Variants in NEDD9 observed in about 807,000 individuals in gnomAD.
NEDD9 encodes enhancer of filamentation 1.
NEDD9 carries 26 observed loss-of-function variants against 76.6 expected under a neutral mutation model. The ratio of observed to expected loss-of-function variants is 0.34; its 90% CI spans 0.25 to 0.47. The LOEUF is 0.47. NEDD9 is among the 20% of genes least tolerant of loss of function. NEDD9 has a pLI of 1.00. For synonymous variants in NEDD9, 392 were observed against 414.2 expected (o/e 0.95, Z 0.65); for missense variants, 937 against 1,058.5 (o/e 0.89, Z 1.59).
chr6:11,293,341 G>A (rs1000957506), intron 3 of NEDD9, among the ~76,000 whole-genome samples: 5 of 152,076 alleles, frequency 3.3e-5, no homozygotes, highest in African/African-American at 1.2e-4. Context: ...CCTTTCTGGC[G>A]CCACAGTGCA....
Position 11,192,416 on chromosome 6 carries a change from CT to C in NEDD9, c.591del (p.Gly198AlafsTer11). The C allele has an allele frequency of 6.2e-7, 1 of 1,610,718 alleles. No homozygotes were observed. The highest frequency in any genetic ancestry group is 1.7e-5 in the Admixed American group (1 of 59,168). On this transcript the variant is annotated frameshift_variant, in exon 4 of 7. Coordinates refer to ENST00000379446, the MANE Select transcript of NEDD9 (RefSeq NM_006403.4). LOFTEE classifies it high-confidence loss of function. ...CCCACTGGAACTGAAAACACAGGGC[CT>C]TTTGCTGATGAGGGAGGGATGTCGT... The part of the protein sequence containing the change: ...GVYDIPPSSA[K>X]GPVFSVPVGE...
intron 1 of NEDD9, among the ~76,000 whole-genome samples, chr6:11,350,652 C>G (rs1762448836): frequency 6.6e-6 from 1 of 152,186 alleles, no homozygotes; most frequent in African/African-American, 2.4e-5. Flanking sequence ...CTCAATGTCA[C>G]TGGTACATCA....
chr6:11,341,057 C>G (rs1018857857), intron 1 of NEDD9, among the ~76,000 whole-genome samples: 3 of 152,202 alleles, frequency 2.0e-5, no homozygotes, highest in Admixed American at 6.5e-5. Context: ...GTTTGAAACT[C>G]TCTTCCCCTA....
At chr6:11,201,107 G>T in intron 2 of NEDD9, 1 of 1,591,574 alleles carries the variant, frequency 6.3e-7, no homozygotes, top group Non-Finnish European at 8.6e-7. Context: ...CTTGTTCAAG[G>T]TCTCAGCAAG....
At chr6:11,276,388 T>C (rs891859936) in intron 3 of NEDD9, among the ~76,000 whole-genome samples, 10 of 152,204 alleles carry the variant, frequency 6.6e-5, no homozygotes, top group African/African-American at 2.4e-4. Context: ...CACGTGTGTG[T>C]GTGCGTGCAT....
chr6:11,326,788 C>T (rs742115), intron 2 of NEDD9, among the ~76,000 whole-genome samples: 89,994 of 152,102 alleles, frequency 0.59, 27,409 homozygotes, highest in East Asian at 0.77. Flanking sequence ...TCTTCCTTCC[C>T]CCTCCACTCA....
At chr6:11,253,477 T>C (rs1759948331) in intron 3 of NEDD9, among the ~76,000 whole-genome samples, 1 of 152,234 alleles carries the variant, frequency 6.6e-6, no homozygotes, top group Non-Finnish European at 1.5e-5. Flanking sequence ...ATTTGCCTTT[T>C]CTTTCCCTGC....
At chr6:11,331,538 CA>C (rs1480048219) in intron 2 of NEDD9, among the ~76,000 whole-genome samples, 2 of 151,846 alleles carry the variant, frequency 1.3e-5, no homozygotes, top group Non-Finnish European at 2.9e-5. Context: ...TAAAAGGGTT[CA>C]AAAAATGTTT....
intron 1 of NEDD9, among the ~76,000 whole-genome samples, chr6:11,346,189 A>G (rs1025018881): frequency 3.3e-4 from 51 of 152,340 alleles, no homozygotes; most frequent in African/African-American, 1.2e-3. Flanking sequence ...TGTCTGGCAC[A>G]CAGAAAGTCT....
intron 1 of NEDD9, among the ~76,000 whole-genome samples, chr6:11,355,301 A>G (rs756741760): frequency 2.0e-5 from 3 of 152,258 alleles, no homozygotes; most frequent in Non-Finnish European, 4.4e-5. Context: ...TGGTTTTTAA[A>G]AGGAAACCAT....
intron 3 of NEDD9, among the ~76,000 whole-genome samples, chr6:11,273,854 C>A (rs1168925902): frequency 1.3e-5 from 2 of 152,186 alleles, no homozygotes; most frequent in South Asian, 2.1e-4. Context: ...TGGACAGGTA[C>A]TTTGACGTAC....
chr6:11,374,821 A>G lies in NEDD9; in HGVS notation c.-214+7318T>C, dbSNP rs1177126467. 2.6e-5 allele frequency among the ~76,000 whole-genome samples: 4 copies of G among 152,234 alleles called. No homozygotes were observed. In the East Asian group the frequency reaches 7.7e-4, roughly 29 times the overall value. On this transcript the variant is annotated intron_variant, in intron 1 of 3. Coordinates refer to the NEDD9 transcript ENST00000397378. ...CAAGGGCTTATCTGGAGGGGAAGTGACAGTGAGAGTGAAAGCCTTAATTTG... is the reference window on the plus strand; with the variant it reads ...CAAGGGCTTATCTGGAGGGGAAGTGGCAGTGAGAGTGAAAGCCTTAATTTG...
At chr6:11,282,796 G>A (rs185340384) in intron 3 of NEDD9, among the ~76,000 whole-genome samples, 186 of 152,318 alleles carry the variant, frequency 1.2e-3, no homozygotes, top group African/African-American at 4.2e-3. Context: ...TGGCTGTCCT[G>A]CTTTCCCTCT....
At chr6:11,359,062 T>C (rs1652350651) in intron 1 of NEDD9, among the ~76,000 whole-genome samples, 1 of 152,172 alleles carries the variant, frequency 6.6e-6, no homozygotes, top group African/African-American at 2.4e-5. Context: ...AGCTTCTGTA[T>C]ATAAAGGAGA....
In NEDD9 at chr6:11,370,233, G is replaced by A. The variant is rs554495486; in HGVS notation, c.-214+11906C>T. Among the ~76,000 whole-genome samples the A allele has an allele frequency of 6.6e-6, 1 of 152,294 alleles. No individual in the cohort carries two copies. Among genetic ancestry groups the A allele is most frequent in the South Asian group, 2.1e-4 (1 of 4,818 alleles). On this transcript the variant is annotated intron_variant, in intron 1 of 3. Transcript: ENST00000397378. The surrounding 1 kb of genome is among the most constrained non-coding windows in gnomAD (Gnocchi z 4.2). The stretch of plus-strand genomic sequence containing the variant: ...CCTGCTTAGAGTAAAACGCTGCACC[G>A]AAGCTCTGCTGACGTTTTCCTATGC...
chr6:11,209,642 G>A (rs1009825357), intron 2 of NEDD9, among the ~76,000 whole-genome samples: 5 of 152,144 alleles, frequency 3.3e-5, no homozygotes, highest in Non-Finnish European at 5.9e-5. Context: ...TAATTCTCAC[G>A]ACAGCCTATG....
At chr6:11,314,474 C>A (rs761080052) in intron 2 of NEDD9, among the ~76,000 whole-genome samples, 1 of 152,156 alleles carries the variant, frequency 6.6e-6, no homozygotes, top group Non-Finnish European at 1.5e-5. Context: ...GTAAAAATGG[C>A]AGGTCTTCTG....
chr6:11,313,759 A>G (rs909719026), intron 2 of NEDD9, among the ~76,000 whole-genome samples: 1 of 152,232 alleles, frequency 6.6e-6, no homozygotes, highest in Admixed American at 6.5e-5. Flanking sequence ...GGAAGAGTAA[A>G]CAAGCTCATT....
intron 3 of NEDD9, among the ~76,000 whole-genome samples, chr6:11,275,935 CAT>C (rs1760408305): frequency 6.6e-6 from 1 of 152,168 alleles, no homozygotes; most frequent in African/African-American, 2.4e-5. Context: ...ATAGGAAGCA[CAT>C]GTTTCAACCT....
Sources: gnomAD v4.1 joint callset for allele counts (sites outside exome capture counted in the v4.1 genomes callset) on GRCh38, gnomAD v4.1.1 for gene constraint, Gnocchi (gnomAD v3.1) non-coding constraint, MANE v1.5 for transcripts, NCBI Gene and HGNC (gene_info 2026-07-23, HGNC 2026-07-21) for gene names.